The following LRBA variants were observed in gnomAD, a reference collection of about 807,000 sequenced individuals.
LRBA encodes LPS responsive beige-like anchor protein, also known as lipopolysaccharide-responsive and beige-like anchor protein.
A neutral mutation model predicts 330.0 loss-of-function variants in LRBA; 176 were observed. That is an observed-to-expected ratio of 0.53 (90% CI 0.47 to 0.60). The LOEUF is 0.60. Ranked by LOEUF, LRBA falls within the 20% of genes least tolerant of loss-of-function variation. The probability of loss-of-function intolerance (pLI) is 0.00; values close to 1 mark genes in which losing one functional copy is unlikely to be tolerated. For missense variants in LRBA, 3,259 were observed against 3,444.8 expected, an observed-to-expected ratio of 0.95 and a Z score of 1.35; for synonymous variants, 1,230 against 1,193.0, an observed-to-expected ratio of 1.03 and a Z score of -0.64.
At chr4:150,821,946 T>A (rs1394403724) in intron 30 of LRBA, among the ~76,000 whole-genome samples, 1 of 152,164 alleles carries the variant, frequency 6.6e-6, no homozygotes, top group East Asian at 1.9e-4. Context: ...AAGTTGATAA[T>A]ACTTAAGATA....
At chr4:150,639,863 A>G (rs1466230367) in intron 37 of LRBA, among the ~76,000 whole-genome samples, 21 of 82,992 alleles carry the variant, frequency 2.5e-4, no homozygotes, top group Admixed American at 6.2e-4. Context: ...ATATATATAT[A>G]TATATATATT....
chr4:150,908,907 A>C, intron 9 of LRBA, 50 bp from the exon 10 acceptor site: 1 of 1,289,360 alleles, frequency 7.8e-7, no homozygotes, highest in South Asian at 1.3e-5. Context: ...AGAGAATCTA[A>C]GTACAAATCA....
Position 150,798,093 on chromosome 4 carries a change from T to A in LRBA, c.5568A>T (p.Leu1856=), listed in dbSNP as rs761854845. ...SSSSVVELVM[L]LCSQEWQNSI... is the part of the protein sequence containing the mutation. ...TCTTGCCACTCACCTGAGAACACAG[T>A]AGCATAACCAATTCCACAACTGAAC... is the stretch of plus-strand genomic sequence containing the variant. The change falls in exon 34 of 57, where the codon CTA becomes CTT. Residue 1856 remains leucine, a synonymous_variant. Coordinates refer to ENST00000651943, the MANE Select transcript of LRBA (RefSeq NM_001364905.1). The A allele has an allele frequency of 1.9e-6, 3 of 1,606,330 alleles. No individual in the cohort carries two copies. The highest frequency in any genetic ancestry group is 2.6e-6 in the Non-Finnish European group (3 of 1,173,262).
At chr4:150,464,023 T>A (rs1454055274) in intron 44 of LRBA, among the ~76,000 whole-genome samples, 43 of 120,914 alleles carry the variant, frequency 3.6e-4, no homozygotes, top group African/African-American at 1.0e-3. Flanking sequence ...AAAAAAAAAA[T>A]AACCTCCCAC....
intron 53 of LRBA, among the ~76,000 whole-genome samples, chr4:150,298,502 A>G (rs1441994312): frequency 6.6e-6 from 1 of 152,132 alleles, no homozygotes; most frequent in African/African-American, 2.4e-5. Context: ...TGATGAGCGT[A>G]TAACAAAATG....
intron 2 of LRBA, among the ~76,000 whole-genome samples, chr4:151,006,552 A>G (rs1744095630): frequency 1.3e-5 from 2 of 152,134 alleles, no homozygotes; most frequent in South Asian, 4.1e-4. Flanking sequence ...TTTCAACCAT[A>G]TAAAAACTAT....
At chr4:150,442,322 T>C (rs955161542) in intron 44 of LRBA, among the ~76,000 whole-genome samples, 1 of 152,150 alleles carries the variant, frequency 6.6e-6, no homozygotes, top group East Asian at 1.9e-4. Context: ...ACCAAAACAC[T>C]AATAAATAGG....
At chr4:150,318,724 T>C (rs564989515) in intron 50 of LRBA, among the ~76,000 whole-genome samples, 157 of 152,320 alleles carry the variant, frequency 1.0e-3, no homozygotes, top group African/African-American at 3.6e-3. Context: ...TTTTGTATTT[T>C]TCTGGTGAAA....
chr4:150,494,692 A>C (rs1414785372), intron 40 of LRBA, among the ~76,000 whole-genome samples: 1 of 152,174 alleles, frequency 6.6e-6, no homozygotes, highest in East Asian at 1.9e-4. Flanking sequence ...TTTTATTCCA[A>C]TGTCAAAAAT....
chr4:150,863,462 G>A (rs567395653), intron 22 of LRBA, among the ~76,000 whole-genome samples: 22 of 152,242 alleles, frequency 1.4e-4, no homozygotes, highest in Non-Finnish European at 2.8e-4. Flanking sequence ...AGGAGTTCGA[G>A]ACCAGCCTGG....
At chr4:150,579,371 G>A (rs1561379716) in intron 40 of LRBA, 1 of 454,796 alleles carries the variant, frequency 2.2e-6, no homozygotes. Flanking sequence ...TTGGGGTGGG[G>A]GAGGGGGGAG....
chr4:150,523,401 G>A (rs1763132256), intron 40 of LRBA, among the ~76,000 whole-genome samples: 1 of 152,108 alleles, frequency 6.6e-6, no homozygotes, highest in Non-Finnish European at 1.5e-5. Flanking sequence ...GGAGGACACA[G>A]CAGCAAGGTG....
chr4:150,899,715 G>C (rs141522030), intron 14 of LRBA, among the ~76,000 whole-genome samples: 40 of 152,238 alleles, frequency 2.6e-4, no homozygotes, highest in Admixed American at 6.5e-4. Context: ...GAATCTCATT[G>C]TGACAATCCA....
chr4:150,392,458 A>G (rs1011272962), intron 47 of LRBA, among the ~76,000 whole-genome samples: 2 of 152,168 alleles, frequency 1.3e-5, no homozygotes, highest in Admixed American at 6.6e-5. Context: ...GACGGCTCCA[A>G]TACCCTCACA....
intron 34 of LRBA, among the ~76,000 whole-genome samples, chr4:150,775,452 AACACACACAC>A (rs200525703): frequency 0.12 from 4,006 of 33,870 alleles, 189 homozygotes; most frequent in African/African-American, 0.19. Context: ...TCTGCAATGG[AACACACACAC>A]ACACACACAC....
intron 48 of LRBA, among the ~76,000 whole-genome samples, chr4:150,336,063 T>C (rs1223205424): frequency 6.6e-6 from 1 of 152,212 alleles, no homozygotes. Flanking sequence ...AATACATATA[T>C]TTTTAACTTT....
At chr4:150,452,012 T>C (rs892060286) in intron 44 of LRBA, among the ~76,000 whole-genome samples, 38 of 152,108 alleles carry the variant, frequency 2.5e-4, no homozygotes, top group African/African-American at 9.2e-4. Context: ...AAGGGTGAAA[T>C]AATAATTGTA....
At chr4:150,972,439 T>C (rs1483504703) in intron 2 of LRBA, among the ~76,000 whole-genome samples, 1 of 152,138 alleles carries the variant, frequency 6.6e-6, no homozygotes, top group Admixed American at 6.6e-5. Context: ...ATTTGGCAAA[T>C]CTGAAAGTAA....
intron 35 of LRBA, among the ~76,000 whole-genome samples, chr4:150,755,728 A>G (rs890968092): frequency 1.3e-5 from 2 of 151,980 alleles, no homozygotes; most frequent in Non-Finnish European, 2.9e-5. Flanking sequence ...AGAAACTAAT[A>G]GAAACATTAA....
Sources: gnomAD v4.1 joint callset for allele counts (sites outside exome capture counted in the v4.1 genomes callset) on GRCh38, gnomAD v4.1.1 for gene constraint, MANE v1.5 for transcripts, NCBI Gene and HGNC (gene_info 2026-07-23, HGNC 2026-07-21) for gene names.